C2CD2: variants seen among roughly 807,000 people sequenced by gnomAD.
C2CD2 encodes C2 domain-containing protein 2.
In C2CD2, 43 loss-of-function variants were observed where a neutral mutation model predicts 74.3. That is an observed-to-expected ratio of 0.58 (90% CI 0.45 to 0.75). The LOEUF is 0.75. Among genes scored for constraint, C2CD2 ranks in the 30% least tolerant of loss-of-function variants. The pLI is 0.00. For missense variants in C2CD2, 801 were observed against 916.3 expected (o/e 0.87, Z 1.63); for synonymous variants, 422 against 390.7 (o/e 1.08, Z -0.94).
chr21:41,946,081 C>T (rs745955788), intron 1 of C2CD2, among the ~76,000 whole-genome samples: 1 of 152,056 alleles, frequency 6.6e-6, no homozygotes, highest in African/African-American at 2.4e-5. Context: ...CGGGAGAGTT[C>T]CAAATAATAA....
At position 41,918,951 on chromosome 21, in the gene C2CD2, G is replaced by A; in HGVS notation, c.502C>T (p.His168Tyr). ...AGGTCCTCTCTCTTCTCCTTCATGT[G>A]GAACTCCAGCTATTAAAAAACAAGT... ...LSPFHLQLEF[H>Y]MKEKREDLQI... The change falls in exon 4 of 14, where the codon CAC becomes TAC. Residue 168 changes from histidine (H) to tyrosine (Y), a missense_variant. His to Tyr is a moderately conservative substitution (Grantham distance 83). Coordinates refer to ENST00000380486, the MANE Select transcript of C2CD2 (RefSeq NM_015500.2). 5 of 1,613,404 alleles carry A rather than the reference G, an allele frequency of 3.1e-6. No homozygotes were observed. The South Asian group carries it at 3.3e-5, about 11-fold the overall frequency.
chr21:41,915,125 A>G (rs1308041892), intron 5 of C2CD2, among the ~76,000 whole-genome samples: 1 of 152,212 alleles, frequency 6.6e-6, no homozygotes, highest in Non-Finnish European at 1.5e-5. Context: ...ATGGCCTGCT[A>G]GTACAGAGCA....
chr21:41,901,879 A>G lies in C2CD2; in HGVS notation c.1433-130T>C, dbSNP rs2064903049. ...TTTTCTAAAAGGGGCCAAAGGGTCAATTGTTTAGGCTTTGTTGGTGGTCTC... is the reference window on the plus strand; with the variant it reads ...TTTTCTAAAAGGGGCCAAAGGGTCAGTTGTTTAGGCTTTGTTGGTGGTCTC... On this transcript the variant is annotated intron_variant, in intron 11 of 13. Transcript: ENST00000380486. 3 of 787,820 alleles carry G rather than the reference A, an allele frequency of 3.8e-6. No individual in the cohort carries two copies. The Admixed American group carries it at 6.5e-5, about 17-fold the overall frequency. The allele number at this position is 787,820 out of a possible 1,614,324, so 48.8% of individuals were successfully genotyped here.
At chr21:41,935,375 TTAAA>T (rs1225936375) in intron 2 of C2CD2, among the ~76,000 whole-genome samples, 2 of 152,202 alleles carry the variant, frequency 1.3e-5, no homozygotes, top group African/African-American at 4.8e-5. Flanking sequence ...TGTGTTTTTA[TTAAA>T]TATTCTTCTG....
chr21:41,929,254 C>T lies in C2CD2; in HGVS notation c.379-7169G>A, dbSNP rs899771230. The stretch of plus-strand genomic sequence containing the variant: ...TCCATACCTTGGCCAAGTGACTGCA[C>T]CTCTCTGCCTCAGTTTCTCCTTCTG... On this transcript the variant is annotated intron_variant, in intron 2 of 13. Coordinates refer to ENST00000380486, the MANE Select transcript of C2CD2 (RefSeq NM_015500.2). The surrounding 1 kb of genome is among the most constrained non-coding windows in gnomAD (Gnocchi z 4.6). Among the ~76,000 whole-genome samples the T allele has an allele frequency of 6.6e-6, 1 of 152,206 alleles. No individual in the cohort carries two copies. The highest frequency in any genetic ancestry group is 6.5e-5 in the Admixed American group (1 of 15,270).
chr21:41,899,164 C>G lies in C2CD2; in HGVS notation c.1759G>C (p.Glu587Gln). ...CTGCTCCATGCCGCGGCCTGTGGCT[C>G]CTTCTCCAAGTCCCAGGAGTCTAGC... ...DELDSWDLEK[E>Q]PQAAAWSSQV... Residue 587 changes from glutamate to glutamine, a missense_variant, in exon 13 of 14, where the codon GAG (glutamate) becomes CAG (glutamine). Glu to Gln is a conservative substitution (Grantham distance 29, BLOSUM62 2). Transcript: ENST00000380486. This position sits in a 1 kb window ranked among gnomAD's most constrained non-coding sequence, Gnocchi z 4.4. The G allele has an allele frequency of 1.2e-6, 2 of 1,613,440 alleles. No individual in the cohort carries two copies.
intron 4 of C2CD2, 100 bp downstream of exon 4, chr21:41,918,756 C>G: frequency 1.1e-6 from 1 of 894,948 alleles, no homozygotes; most frequent in South Asian, 1.5e-5. Flanking sequence ...GGGAAGGAGG[C>G]CAGCAACACC....
chr21:41,913,468 G>A (rs1392384807), intron 6 of C2CD2, among the ~76,000 whole-genome samples: 5 of 152,202 alleles, frequency 3.3e-5, no homozygotes, highest in Non-Finnish European at 7.3e-5. Flanking sequence ...GCAGAGGCAG[G>A]AACGGGGCCT....
intron 2 of C2CD2, among the ~76,000 whole-genome samples, chr21:41,932,967 CAG>C (rs1339904502): frequency 6.7e-6 from 1 of 150,346 alleles, no homozygotes; most frequent in East Asian, 1.9e-4. Flanking sequence ...GAACACCAGT[CAG>C]GGGTTTGTCG....
At chr21:41,904,734 C>G (rs1192157039) in intron 11 of C2CD2, among the ~76,000 whole-genome samples, 1 of 152,180 alleles carries the variant, frequency 6.6e-6, no homozygotes, top group African/African-American at 2.4e-5. Flanking sequence ...TGAGAACTTT[C>G]CACTCCCCTG....
In C2CD2 at chr21:41,907,094, T is replaced by C. The variant is rs546337975; in HGVS notation, c.1216A>G (p.Lys406Glu). The change falls in exon 10 of 14, where the codon AAG becomes GAG. Residue 406 changes from lysine to glutamate, a missense_variant. Transcript: ENST00000380486. ...CCACAGGGCATCACCGTGCGGTCCT[T>C]TTCTATTTTTGCAGCAGGAACAGGG... ...PPPVPAAKIE[K>E]DRTVMPCGTV... 1 of 1,613,970 alleles carries C rather than the reference T, an allele frequency of 6.2e-7. No individual in the cohort carries two copies. The highest frequency in any genetic ancestry group is 1.3e-5 in the African/African-American group (1 of 75,010).
At chr21:41,944,657 G>A (rs1454623124) in intron 1 of C2CD2, among the ~76,000 whole-genome samples, 1 of 152,142 alleles carries the variant, frequency 6.6e-6, no homozygotes, top group Non-Finnish European at 1.5e-5. Context: ...TTGAGTTTCA[G>A]GAGCAGGGTG....
chr21:41,927,528 T>C (rs1213537831), intron 2 of C2CD2, among the ~76,000 whole-genome samples: 2 of 152,188 alleles, frequency 1.3e-5, no homozygotes, highest in African/African-American at 4.8e-5. Flanking sequence ...TGGAGTGTGG[T>C]GGCAGGATCT....
chr21:41,931,579 C>T (rs1206842237), intron 2 of C2CD2, among the ~76,000 whole-genome samples: 7 of 149,634 alleles, frequency 4.7e-5, no homozygotes, highest in African/African-American at 9.7e-5. Flanking sequence ...CGTGCCACCA[C>T]GCCCAGCTAA....
rs570977822 is a variant in C2CD2 at position 41,925,143 on chromosome 21, C to T, written c.379-3058G>A. ...TCTAAATAAAACCTACAGTGCAGAC[C>T]AAGCCTTTCTTAGCCTCCCCTCAGA... On this transcript the variant is annotated intron_variant, in intron 2 of 13. Transcript: ENST00000380486. Among the ~76,000 whole-genome samples the T allele has an allele frequency of 3.9e-5, 6 of 152,212 alleles. No homozygotes were observed. In the South Asian group the frequency reaches 1.2e-3, roughly 32 times the overall value.
intron 3 of C2CD2, among the ~76,000 whole-genome samples, chr21:41,921,640 GA>G (rs1253145457): frequency 1.3e-5 from 2 of 152,172 alleles, no homozygotes; most frequent in African/African-American, 4.8e-5. Flanking sequence ...GCTGGATTCG[GA>G]ACCAGAACTA....
intron 11 of C2CD2, among the ~76,000 whole-genome samples, chr21:41,902,054 C>A (rs2064905901): frequency 6.6e-6 from 1 of 152,210 alleles, no homozygotes; most frequent in Non-Finnish European, 1.5e-5. Context: ...TTGCTGTTTG[C>A]TGACCCCTGG....
intron 2 of C2CD2, among the ~76,000 whole-genome samples, chr21:41,940,502 C>T (rs2065345737): frequency 6.6e-6 from 1 of 152,238 alleles, no homozygotes; most frequent in Non-Finnish European, 1.5e-5. Flanking sequence ...TCCTTGCTGC[C>T]TGCTAAATGG....
rs1049091890 is a variant in C2CD2, at chr21:41,892,901, C to T, written c.1871-3557G>A. Among the ~76,000 whole-genome samples, 1 of 152,258 alleles carries T rather than the reference C, an allele frequency of 6.6e-6. No individual in the cohort carries two copies. Among genetic ancestry groups the T allele is most frequent in the Non-Finnish European group, 1.5e-5 (1 of 68,056 alleles). Reference sequence around the variant, plus strand: ...ACAGGGCTGTGTGGGTAGAAGCTGACGCAGCCCACCCGCAGGGCCCGGTGC... The same window carrying T: ...ACAGGGCTGTGTGGGTAGAAGCTGATGCAGCCCACCCGCAGGGCCCGGTGC... On this transcript the variant is annotated intron_variant, in intron 13 of 13. Coordinates refer to ENST00000380486, the MANE Select transcript of C2CD2 (RefSeq NM_015500.2). This position sits in a 1 kb window ranked among gnomAD's most constrained non-coding sequence, Gnocchi z 4.6.
Sources: allele counts gnomAD v4.1 joint callset (sites outside exome capture counted in the v4.1 genomes callset), GRCh38; gene constraint gnomAD v4.1.1; non-coding constraint Gnocchi (gnomAD v3.1); transcripts MANE v1.5; gene names NCBI Gene and HGNC (gene_info 2026-07-23, HGNC 2026-07-21).